Variants in CHP1 observed in about 807,000 individuals in gnomAD.
CHP1 encodes calcineurin B homologous protein 1.
CHP1 carries 11 observed loss-of-function variants against 27.4 expected under a neutral mutation model. The observed-to-expected ratio is 0.40, with a 90% CI of 0.25 to 0.67. The LOEUF (loss-of-function observed/expected upper bound fraction) is 0.67, where lower values mean the gene tolerates loss of function less well. Among genes scored for constraint, CHP1 ranks in the 30% least tolerant of loss-of-function variants. The probability of loss-of-function intolerance (pLI) is 0.38; values close to 1 mark genes in which losing one functional copy is unlikely to be tolerated. For synonymous variants in CHP1, 89 were observed against 87.4 expected (o/e 1.02, Z -0.10); for missense variants, 169 against 251.3 (o/e 0.67, Z 2.22).
At chr15:41,233,026 C>T (rs2047260184) in intron 1 of CHP1, among the ~76,000 whole-genome samples, 1 of 152,170 alleles carries the variant, frequency 6.6e-6, no homozygotes, top group African/African-American at 2.4e-5. Flanking sequence ...CCTACCAAGG[C>T]AGTCCTTTTC....
At chr15:41,235,916 A>G (rs973470699) in intron 1 of CHP1, among the ~76,000 whole-genome samples, 10 of 152,224 alleles carry the variant, frequency 6.6e-5, no homozygotes, top group African/African-American at 2.4e-4. Context: ...ATGGAAATGC[A>G]TGGATAACTA....
At chr15:41,245,179 G>A (rs568310905) in intron 2 of CHP1, among the ~76,000 whole-genome samples, 1 of 152,240 alleles carries the variant, frequency 6.6e-6, no homozygotes, top group South Asian at 2.1e-4. Flanking sequence ...GACTTCTTCT[G>A]GCTGGACACG....
chr15:41,278,071 G>A (rs903163409), intron 5 of CHP1, among the ~76,000 whole-genome samples: 2 of 151,986 alleles, frequency 1.3e-5, no homozygotes, highest in African/African-American at 4.8e-5. Context: ...GCTCATGCCT[G>A]TAATCCCAGC....
chr15:41,247,988 T>A (rs1034407242), intron 2 of CHP1, among the ~76,000 whole-genome samples: 3 of 109,438 alleles, frequency 2.7e-5, no homozygotes, highest in Non-Finnish European at 5.8e-5. Context: ...AATAAATAAA[T>A]AAAATAAATA....
chr15:41,258,478 G>A (rs143799121), intron 3 of CHP1, among the ~76,000 whole-genome samples: 3 of 152,210 alleles, frequency 2.0e-5, no homozygotes, highest in African/African-American at 7.2e-5. Flanking sequence ...TCTAGTCTGG[G>A]TCAGTTGTCA....
intron 2 of CHP1, among the ~76,000 whole-genome samples, chr15:41,250,122 A>T (rs1357055488): frequency 7.3e-5 from 11 of 151,282 alleles, no homozygotes; most frequent in Admixed American, 7.3e-4. Context: ...AAAGTTATTG[A>T]CTAAAATTTG....
chr15:41,264,569 G>T (rs570153283), intron 4 of CHP1, among the ~76,000 whole-genome samples: 36 of 152,060 alleles, frequency 2.4e-4, no homozygotes, highest in Non-Finnish European at 3.7e-4. Context: ...CTCTCAAGTT[G>T]CTGGGACCAC....
At chr15:41,242,644 T>A (rs1331907477) in intron 1 of CHP1, among the ~76,000 whole-genome samples, 1 of 147,246 alleles carries the variant, frequency 6.8e-6, no homozygotes, top group East Asian at 2.0e-4. Context: ...AAATAAAATT[T>A]AAAAAATAAG....
At position 41,279,802 on chromosome 15, in the gene CHP1, T is replaced by C. The variant is rs2047536897; in HGVS notation, c.*413T>C. ...CCAGCATGCTTCTTCATCCTTTTTA[T>C]ATGTTCTTTGCTTCCTACTTCCCTG... is the stretch of plus-strand genomic sequence containing the variant. On this transcript the variant is annotated 3_prime_UTR_variant, in exon 7 of 7. Transcript: ENST00000334660. 5.9e-6 allele frequency: 1 copy of C among 169,236 alleles called. No homozygotes were observed. The highest frequency in any genetic ancestry group is 1.8e-4 in the South Asian group (1 of 5,622). The allele number at this position is 169,236 out of a possible 1,614,324, so 10.5% of individuals were successfully genotyped here. A position where few individuals can be genotyped will look rare whatever the true frequency, so the allele number is the denominator to read the frequency against.
At chr15:41,258,927 G>A (rs887148687) in intron 3 of CHP1, among the ~76,000 whole-genome samples, 2 of 152,188 alleles carry the variant, frequency 1.3e-5, no homozygotes, top group African/African-American at 4.8e-5. Flanking sequence ...AGTTGAGAGG[G>A]TTGGGCATTC....
At chr15:41,251,053 C>T (rs1025937769) in intron 2 of CHP1, among the ~76,000 whole-genome samples, 11 of 152,040 alleles carry the variant, frequency 7.2e-5, no homozygotes, top group African/African-American at 1.9e-4. Flanking sequence ...AGGATGGTCT[C>T]GATCTCTTGA....
intron 2 of CHP1, among the ~76,000 whole-genome samples, chr15:41,248,867 G>A (rs752812863): frequency 3.3e-5 from 5 of 152,120 alleles, no homozygotes; most frequent in Non-Finnish European, 5.9e-5. Flanking sequence ...TATGTAAATC[G>A]TTTTGTCAGA....
chr15:41,252,350 G>A (rs932866888), intron 2 of CHP1, among the ~76,000 whole-genome samples: 4 of 151,186 alleles, frequency 2.6e-5, no homozygotes, highest in Admixed American at 1.3e-4. Context: ...TGTATTTTTA[G>A]TAGAGACGGG....
At chr15:41,252,360 G>A (rs542152598) in intron 2 of CHP1, among the ~76,000 whole-genome samples, 2 of 151,302 alleles carry the variant, frequency 1.3e-5, no homozygotes, top group East Asian at 4.0e-4. Flanking sequence ...GTAGAGACGG[G>A]GTTTTACCAT....
chr15:41,246,284 G>A (rs936539180), intron 2 of CHP1, among the ~76,000 whole-genome samples: 1 of 151,368 alleles, frequency 6.6e-6, no homozygotes, highest in African/African-American at 2.4e-5. Flanking sequence ...TTTGCTGTGT[G>A]CTGGAAAATA....
intron 5 of CHP1, among the ~76,000 whole-genome samples, chr15:41,273,919 C>T (rs560965435): frequency 2.7e-5 from 4 of 150,776 alleles, no homozygotes; most frequent in African/African-American, 4.9e-5. Flanking sequence ...CCAGCCTGGG[C>T]GACAGAGCAA....
At chr15:41,263,045 T>G (rs574421492) in intron 4 of CHP1, among the ~76,000 whole-genome samples, 162 bp downstream of exon 4, 4 of 152,202 alleles carry the variant, frequency 2.6e-5, no homozygotes, top group Non-Finnish European at 5.9e-5. Context: ...GTCTACCCTT[T>G]TTTGGTCGTG....
chr15:41,233,441 A>G (rs1333957594), intron 1 of CHP1, among the ~76,000 whole-genome samples: 1 of 152,192 alleles, frequency 6.6e-6, no homozygotes, highest in African/African-American at 2.4e-5. Context: ...TGGCTTGTGG[A>G]CAAACAACTA....
At chr15:41,251,968 C>G (rs2047370745) in intron 2 of CHP1, among the ~76,000 whole-genome samples, 1 of 152,012 alleles carries the variant, frequency 6.6e-6, no homozygotes, top group Admixed American at 6.6e-5. Flanking sequence ...TCTCAAACTC[C>G]TGACCTCAGG....
Sources: gnomAD v4.1 joint callset for allele counts (sites outside exome capture counted in the v4.1 genomes callset) on GRCh38, gnomAD v4.1.1 for gene constraint, MANE v1.5 for transcripts, NCBI Gene and HGNC (gene_info 2026-07-23, HGNC 2026-07-21) for gene names.